KCNMA1: variants seen among roughly 807,000 people sequenced by gnomAD.
The protein encoded by KCNMA1 is Calcium-activated potassium channel subunit alpha-1.
KCNMA1 carries 29 observed loss-of-function variants against 140.0 expected under a neutral mutation model. The ratio of observed to expected loss-of-function variants is 0.21; its 90% CI spans 0.15 to 0.28. The LOEUF is 0.28. KCNMA1 is among the 10% of genes least tolerant of loss of function. The pLI, the probability that KCNMA1 is intolerant of heterozygous loss-of-function variation, is 1.00. For synonymous variants in KCNMA1, 612 were observed against 611.9 expected (o/e 1.00, Z 0.00); for missense variants, 880 against 1,602.2 (o/e 0.55, Z 7.70).
intron 9 of KCNMA1, among the ~76,000 whole-genome samples, chr10:77,094,034 G>A (rs1319422364): frequency 2.6e-5 from 4 of 152,196 alleles, no homozygotes; most frequent in South Asian, 2.1e-4. Context: ...GATTCATGAA[G>A]TTATCCTGAT....
At chr10:77,087,558 G>A (rs1438047981) in intron 10 of KCNMA1, among the ~76,000 whole-genome samples, 4 of 152,084 alleles carry the variant, frequency 2.6e-5, no homozygotes, top group Admixed American at 6.5e-5. Flanking sequence ...GGATCAAAAA[G>A]TATCACTCTG....
At chr10:77,229,233 T>C (rs1279455552) in intron 3 of KCNMA1, among the ~76,000 whole-genome samples, 1 of 151,394 alleles carries the variant, frequency 6.6e-6, no homozygotes. Flanking sequence ...CAATTTACCA[T>C]GCAGATCCAT....
intron 3 of KCNMA1, among the ~76,000 whole-genome samples, chr10:77,243,661 A>G (rs1156251190): frequency 6.6e-6 from 1 of 152,308 alleles, no homozygotes. Context: ...TCCACAGGGG[A>G]AACAAGTGAG....
intron 2 of KCNMA1, among the ~76,000 whole-genome samples, chr10:77,397,761 G>A (rs960600235): frequency 2.0e-5 from 3 of 151,952 alleles, no homozygotes; most frequent in Admixed American, 6.6e-5. Flanking sequence ...ATCACTCATC[G>A]CCACCTCCCA....
chr10:77,614,561 C>T (rs1263534753), intron 1 of KCNMA1, among the ~76,000 whole-genome samples: 1 of 152,146 alleles, frequency 6.6e-6, no homozygotes, highest in Non-Finnish European at 1.5e-5. Context: ...TACCTGGATA[C>T]ATCACAAAAA....
At chr10:77,465,166 T>C (rs1356788027) in intron 1 of KCNMA1, among the ~76,000 whole-genome samples, 2 of 152,224 alleles carry the variant, frequency 1.3e-5, no homozygotes, top group African/African-American at 2.4e-5. Context: ...TCTCTGATGA[T>C]GCTGAGCGTG....
chr10:77,270,688 ATT>A (rs10584189), intron 2 of KCNMA1, among the ~76,000 whole-genome samples: 23,917 of 145,908 alleles, frequency 0.16, 3,548 homozygotes, highest in African/African-American at 0.4. Flanking sequence ...CACCTAGCTA[ATT>A]TTTTTTTTTT....
At chr10:77,125,699 G>C (rs2097717067) in intron 5 of KCNMA1, among the ~76,000 whole-genome samples, 2 of 152,226 alleles carry the variant, frequency 1.3e-5, no homozygotes, top group Non-Finnish European at 2.9e-5. Flanking sequence ...TATGAGGGGA[G>C]GAGCTGATGT....
At chr10:77,284,756 C>A (rs1272130567) in intron 2 of KCNMA1, among the ~76,000 whole-genome samples, 1 of 152,076 alleles carries the variant, frequency 6.6e-6, no homozygotes, top group Non-Finnish European at 1.5e-5. Context: ...TCAGGTGATC[C>A]TCCCACCTTG....
At chr10:77,591,350 T>G (rs567066152) in intron 1 of KCNMA1, among the ~76,000 whole-genome samples, 9 of 152,336 alleles carry the variant, frequency 5.9e-5, no homozygotes, top group Non-Finnish European at 1.3e-4. Flanking sequence ...CTGAAAATCC[T>G]ACCCTACTCA....
intron 22 of KCNMA1, among the ~76,000 whole-genome samples, chr10:76,947,299 T>C (rs902042086): frequency 6.6e-6 from 1 of 152,132 alleles, no homozygotes; most frequent in Non-Finnish European, 1.5e-5. Flanking sequence ...ATCGTGCCAT[T>C]GCACTCCAGC....
At chr10:77,184,042 T>A (rs2098825108) in intron 4 of KCNMA1, among the ~76,000 whole-genome samples, 1 of 148,700 alleles carries the variant, frequency 6.7e-6, no homozygotes, top group African/African-American at 2.5e-5. Flanking sequence ...TAACTATAAA[T>A]AAAGCACATA....
intron 20 of KCNMA1, among the ~76,000 whole-genome samples, chr10:76,956,299 C>T (rs533339318): frequency 1.3e-5 from 2 of 152,260 alleles, no homozygotes; most frequent in South Asian, 2.1e-4. Context: ...TTTCCAGAAA[C>T]CAGGCATAAT....
At chr10:77,576,634 C>T (rs1184796915) in intron 1 of KCNMA1, among the ~76,000 whole-genome samples, 1 of 152,182 alleles carries the variant, frequency 6.6e-6, no homozygotes, top group Non-Finnish European at 1.5e-5. Flanking sequence ...AGGAAGCACA[C>T]AGCCGTGCAA....
At chr10:77,380,094 AG>A (rs1020968630) in intron 2 of KCNMA1, among the ~76,000 whole-genome samples, 55 of 152,336 alleles carry the variant, frequency 3.6e-4, no homozygotes, top group Non-Finnish European at 6.0e-4. Flanking sequence ...TTACTCTCAG[AG>A]GGGGAAAAAT....
chr10:77,426,383 T>C (rs145706407), intron 1 of KCNMA1, among the ~76,000 whole-genome samples: 234 of 152,308 alleles, frequency 1.5e-3, no homozygotes, highest in African/African-American at 4.9e-3. Context: ...TAGTAACTCA[T>C]TGAATCCTCA....
chr10:77,550,510 G>A (rs1209661622), intron 1 of KCNMA1, among the ~76,000 whole-genome samples: 2 of 152,146 alleles, frequency 1.3e-5, no homozygotes, highest in African/African-American at 4.8e-5. Flanking sequence ...CATCTACCCA[G>A]TTGTCAGTGT....
At chr10:77,532,267 C>T (rs1248234948) in intron 1 of KCNMA1, among the ~76,000 whole-genome samples, 5 of 152,320 alleles carry the variant, frequency 3.3e-5, no homozygotes, top group South Asian at 4.1e-4. Context: ...CCCAAGCAGG[C>T]GTGTGCTAAC....
chr10:77,436,997 C>CACACACAA lies in KCNMA1; in HGVS notation c.379-32975_379-32974insTTGTGTGT, dbSNP rs59376789. ...ACACACACACACACACACACACACA[C>CACACACAA]TCCTTCAGCCAAAATGTTCCACTTT... On this transcript the variant is annotated intron_variant, in intron 1 of 27. Transcript: ENST00000286628. Among the ~76,000 whole-genome samples, 829 of 126,960 alleles carry CACACACAA rather than the reference C, an allele frequency of 6.5e-3. 5 individuals are homozygous for CACACACAA. Among genetic ancestry groups the CACACACAA allele is most frequent in the African/African-American group, 0.018 (657 of 35,790 alleles). The allele number at this position is 126,960 out of a possible 152,430, so 83.3% of individuals were successfully genotyped here. A position where few individuals can be genotyped will look rare whatever the true frequency, so the allele number is the denominator to read the frequency against.
Sources: allele counts gnomAD v4.1 joint callset (sites outside exome capture counted in the v4.1 genomes callset), GRCh38; gene constraint gnomAD v4.1.1; transcripts MANE v1.5; gene names NCBI Gene and HGNC (gene_info 2026-07-23, HGNC 2026-07-21).